The following ARHGEF28 variants were observed in gnomAD, a reference collection of about 807,000 sequenced individuals.
The protein encoded by ARHGEF28 is Rho guanine nucleotide exchange factor 28.
ARHGEF28 carries 152 observed loss-of-function variants against 206.6 expected under a neutral mutation model. That is an observed-to-expected ratio of 0.74 (90% CI 0.64 to 0.84). ARHGEF28 has a LOEUF of 0.84. ARHGEF28 is among the 40% of genes least tolerant of loss of function. ARHGEF28 has a pLI of 0.00. For missense variants in ARHGEF28, 2,028 were observed against 2,073.2 expected, an observed-to-expected ratio of 0.98 and a Z score of 0.42; for synonymous variants, 763 against 776.4, an observed-to-expected ratio of 0.98 and a Z score of 0.29.
intron 9 of ARHGEF28, among the ~76,000 whole-genome samples, chr5:73,808,155 C>A (rs550927985): frequency 6.6e-6 from 1 of 152,058 alleles, no homozygotes; most frequent in Non-Finnish European, 1.5e-5. Context: ...TCATGTGATT[C>A]CAATTTTTGA....
At chr5:73,910,955 G>A (rs1475213097) in intron 34 of ARHGEF28, among the ~76,000 whole-genome samples, 1 of 152,044 alleles carries the variant, frequency 6.6e-6, no homozygotes, top group Non-Finnish European at 1.5e-5. Flanking sequence ...ATGTATATAT[G>A]GATATGTTTT....
chr5:73,832,004 C>T (rs1757331557), intron 9 of ARHGEF28, among the ~76,000 whole-genome samples: 1 of 151,462 alleles, frequency 6.6e-6, no homozygotes, highest in African/African-American at 2.4e-5. Context: ...AGTTTAGTTA[C>T]TAATAAAGGG....
At chr5:73,852,524 T>A in intron 13 of ARHGEF28, 126 bp from the exon 14 acceptor site, 1 of 813,618 alleles carries the variant, frequency 1.2e-6, no homozygotes, top group South Asian at 1.6e-5. Flanking sequence ...GGTAACTCAT[T>A]TTCTCATTAT....
At chr5:73,767,688 G>A (rs1752974352) in intron 4 of ARHGEF28, among the ~76,000 whole-genome samples, 1 of 152,122 alleles carries the variant, frequency 6.6e-6, no homozygotes, top group Admixed American at 6.5e-5. Context: ...TAAAAGTTTG[G>A]AAAATTTTTG....
chr5:73,670,259 A>G (rs1746226341), intron 1 of ARHGEF28, among the ~76,000 whole-genome samples: 1 of 152,150 alleles, frequency 6.6e-6, no homozygotes, highest in African/African-American at 2.4e-5. Flanking sequence ...TGTAACCTTT[A>G]GGATTGGCTT....
intron 2 of ARHGEF28, among the ~76,000 whole-genome samples, chr5:73,718,224 G>A (rs748056332): frequency 1.3e-5 from 2 of 152,226 alleles, no homozygotes; most frequent in Non-Finnish European, 2.9e-5. Flanking sequence ...ACCTCCCAAA[G>A]TTATACTCAG....
intron 9 of ARHGEF28, among the ~76,000 whole-genome samples, chr5:73,805,566 A>C (rs967920298): frequency 3.3e-5 from 5 of 152,302 alleles, no homozygotes; most frequent in African/African-American, 1.2e-4. Context: ...ACCACTCTAC[A>C]TGTATTGCAC....
At chr5:73,739,864 T>A (rs6865553) in intron 2 of ARHGEF28, among the ~76,000 whole-genome samples, 12 of 132,972 alleles carry the variant, frequency 9.0e-5, no homozygotes, top group Middle Eastern at 8.1e-3. Context: ...AATAAATAAA[T>A]AAAAATAAAA....
intron 9 of ARHGEF28, among the ~76,000 whole-genome samples, chr5:73,805,809 C>A (rs1006645963): frequency 5.9e-5 from 9 of 152,054 alleles, no homozygotes; most frequent in Non-Finnish European, 5.9e-5. Flanking sequence ...CTTGATCTGG[C>A]AGTTAAGAGT....
rs1487052085 is a variant in ARHGEF28 at position 73,867,901 on chromosome 5, G to A, written c.2178G>A (p.Gln726=). ...LGNSSFRDIP[Q]PGLSLHPSSS... is the part of the protein sequence containing the mutation. ...ATTCTTCATTTAGAGACATCCCACA[G>A]CCTGGTCTCTCCTTGCACCCTTCTT... is the stretch of plus-strand genomic sequence containing the variant. The change falls in exon 19 of 36, where the codon CAG becomes CAA. Residue 726 remains glutamine, a synonymous_variant. Coordinates refer to ENST00000513042, the MANE Select transcript of ARHGEF28 (RefSeq NM_001177693.2). The A allele has an allele frequency of 4.3e-6, 7 of 1,613,964 alleles. No homozygotes were observed. In the South Asian group the frequency reaches 7.7e-5, roughly 18 times the overall value.
At chr5:73,752,435 C>T (rs553071240) in intron 3 of ARHGEF28, among the ~76,000 whole-genome samples, 41 of 152,268 alleles carry the variant, frequency 2.7e-4, no homozygotes, top group African/African-American at 8.9e-4. Flanking sequence ...CACCTTAACT[C>T]ACATTCAAAG....
At position 73,927,034 on chromosome 5, in the gene ARHGEF28, G is replaced by T. The variant is rs1370145874; in HGVS notation, c.4949-13810G>T. Among the ~76,000 whole-genome samples the T allele has an allele frequency of 2.0e-5, 3 of 152,044 alleles. No individual in the cohort carries two copies. The East Asian group carries it at 5.8e-4, about 29-fold the overall frequency. On this transcript the variant is annotated intron_variant, in intron 35 of 35. Coordinates refer to ENST00000513042, the MANE Select transcript of ARHGEF28 (RefSeq NM_001177693.2). ...AGAGGAGGCTTTAGTACAAACTTGG[G>T]AATTCATGTCACCTGGTGGACAATT...
At chr5:73,882,390 G>A in intron 22 of ARHGEF28, 82 bp from the exon 23 acceptor site, 2 of 1,004,320 alleles carry the variant, frequency 2.0e-6, no homozygotes, top group South Asian at 2.4e-5. Context: ...ATACTATTTT[G>A]AAATAGATGA....
rs768269313 is a variant in ARHGEF28 at position 73,865,980 on chromosome 5, T to C, written c.2119T>C (p.Tyr707His). 9 of 1,602,318 alleles carry C rather than the reference T, an allele frequency of 5.6e-6. No homozygotes were observed. Among genetic ancestry groups the C allele is most frequent in the Admixed American group, 5.2e-5 (3 of 58,052 alleles). The change falls in exon 18 of 36, where the codon TAT (tyrosine) becomes CAT (histidine). Residue 707 changes from tyrosine to histidine, a missense_variant. Physicochemically the swap from Tyr to His is moderately conservative, Grantham distance 83. This residue lies in a region of ARHGEF28 where 1,002 missense variants were observed against 1,015.3 expected (regional missense o/e 0.99). Transcript: ENST00000513042. Reference protein sequence around the residue: ...PACTKKFQEKYNKNKPQTILG... With the variant: ...PACTKKFQEKHNKNKPQTILG... ...TCTTTACCAGAAATTCCAAGAGAAA[T>C]ATAACAAGAACAAACCACAGACCAT... is the stretch of plus-strand genomic sequence containing the variant.
At chr5:73,780,315 G>C (rs1367913894) in intron 6 of ARHGEF28, 2 of 230,894 alleles carry the variant, frequency 8.7e-6, no homozygotes, top group Non-Finnish European at 1.7e-5. Context: ...ATGTGGATTT[G>C]GTCTGCTCCA....
At chr5:73,630,489 C>T (rs1441654109) in intron 1 of ARHGEF28, among the ~76,000 whole-genome samples, 1 of 152,196 alleles carries the variant, frequency 6.6e-6, no homozygotes, top group Non-Finnish European at 1.5e-5. Flanking sequence ...AGAGAACCCT[C>T]CTGGTAGTGC....
At chr5:73,830,347 G>T (rs999957262) in intron 9 of ARHGEF28, among the ~76,000 whole-genome samples, 4 of 151,844 alleles carry the variant, frequency 2.6e-5, no homozygotes, top group African/African-American at 9.7e-5. Flanking sequence ...AGGTCAGAAG[G>T]TCGAGACCAT....
chr5:73,638,077 G>A (rs954929241), intron 1 of ARHGEF28, among the ~76,000 whole-genome samples: 3 of 152,176 alleles, frequency 2.0e-5, no homozygotes, highest in Admixed American at 6.5e-5. Flanking sequence ...TCTTTCAGAC[G>A]TTAGAATGCA....
intron 4 of ARHGEF28, among the ~76,000 whole-genome samples, chr5:73,760,062 T>C (rs184358708): frequency 1.8e-3 from 280 of 152,342 alleles, no homozygotes; most frequent in African/African-American, 6.6e-3. Context: ...CCCCAGAGCC[T>C]GGCACTGTGG....
Sources: gnomAD v4.1 joint callset for allele counts (sites outside exome capture counted in the v4.1 genomes callset) on GRCh38, gnomAD v4.1.1 for gene constraint, gnomAD v4.1.1 regional missense constraint, MANE v1.5 for transcripts, NCBI Gene and HGNC (gene_info 2026-07-23, HGNC 2026-07-21) for gene names.